CAST: variants seen among roughly 807,000 people sequenced by gnomAD.
CAST encodes MIR583 host.
CAST carries 76 observed loss-of-function variants against 119.6 expected under a neutral mutation model. That is an observed-to-expected ratio of 0.64 (90% CI 0.53 to 0.77). The LOEUF is 0.77. Among genes scored for constraint, CAST ranks in the 30% least tolerant of loss-of-function variants. The pLI is 0.00. For synonymous variants in CAST, 319 were observed against 331.6 expected (o/e 0.96, Z 0.41); for missense variants, 953 against 946.5 (o/e 1.01, Z -0.09).
chr5:96,758,836 A>T (rs1356702455), intron 24 of CAST, among the ~76,000 whole-genome samples: 4 of 152,150 alleles, frequency 2.6e-5, no homozygotes, highest in Admixed American at 6.5e-5. Context: ...TGATTTAGAA[A>T]CCATAAGACA....
the CAST span, among the ~76,000 whole-genome samples, chr5:96,136,132 T>A: frequency 1.3e-5 from 2 of 152,182 alleles, no homozygotes; most frequent in Admixed American, 1.3e-4. Context: ...TCAGTGAGAT[T>A]GTTTGTTCTC....
the CAST span, among the ~76,000 whole-genome samples, chr5:96,112,294 C>T: frequency 1.3e-5 from 2 of 152,234 alleles, no homozygotes; most frequent in East Asian, 3.9e-4. Context: ...AAATTGCAGG[C>T]ATAGTGATCC....
chr5:96,303,080 T>C, the CAST span, among the ~76,000 whole-genome samples: 1 of 152,178 alleles, frequency 6.6e-6, no homozygotes, highest in African/African-American at 2.4e-5. Context: ...CCACAGGCTG[T>C]ACAGGAAGCA....
In CAST at chr5:96,765,219, A is replaced by G; in HGVS notation, c.1933-2A>G. 1.3e-6 allele frequency: 2 copies of G among 1,571,292 alleles called. No individual in the cohort carries two copies. The highest frequency in any genetic ancestry group is 1.7e-6 in the Non-Finnish European group (2 of 1,145,480). ...ACTAATTCAGCATTATTTACTTTTCAGCAGAGTGACAAAGACCTCGATGAT... is the reference window on the plus strand; with the variant it reads ...ACTAATTCAGCATTATTTACTTTTCGGCAGAGTGACAAAGACCTCGATGAT... On this transcript the variant is annotated splice_acceptor_variant, in intron 25 of 31. Coordinates refer to ENST00000675179, the MANE Select transcript of CAST (RefSeq NM_001750.7). LOFTEE classifies it high-confidence loss of function.
the CAST span, among the ~76,000 whole-genome samples, chr5:96,459,013 AC>A: frequency 6.6e-6 from 1 of 152,134 alleles, no homozygotes; most frequent in Non-Finnish European, 1.5e-5. Flanking sequence ...GAAGGTAGAG[AC>A]TAAATGTGTA....
chr5:96,527,842 T>C (rs1745623525), upstream of CAST, among the ~76,000 whole-genome samples: 1 of 152,068 alleles, frequency 6.6e-6, no homozygotes, highest in African/African-American at 2.4e-5. Context: ...AGGGCCCCCA[T>C]GACTAGAACC....
the CAST span, among the ~76,000 whole-genome samples, chr5:96,383,132 A>G: frequency 6.6e-6 from 1 of 152,166 alleles, no homozygotes; most frequent in East Asian, 1.9e-4. Context: ...CACTATGTAG[A>G]CACATATACG....
chr5:96,022,745 G>C, the CAST span, among the ~76,000 whole-genome samples: 1 of 152,176 alleles, frequency 6.6e-6, no homozygotes, highest in Non-Finnish European at 1.5e-5. Context: ...GATTGTGGGG[G>C]CTGATAAGTC....
chr5:96,361,998 G>A, the CAST span, among the ~76,000 whole-genome samples: 6 of 151,636 alleles, frequency 4.0e-5, no homozygotes, highest in East Asian at 3.9e-4. Context: ...CACACCCCAC[G>A]ACAGGCCCCG....
At chr5:96,578,918 AT>A (rs1379600146) in intron 1 of CAST, among the ~76,000 whole-genome samples, 8 of 152,068 alleles carry the variant, frequency 5.3e-5, no homozygotes, top group Middle Eastern at 3.4e-3. Context: ...TAGCAGTTTA[AT>A]TTTCAGAGCT....
At chr5:96,743,780 A>C (rs904278235) in intron 16 of CAST, 1 of 1,329,408 alleles carries the variant, frequency 7.5e-7, no homozygotes, top group African/African-American at 1.5e-5. Context: ...ACTTGATTAC[A>C]ACACAATGTG....
At chr5:96,492,153 T>A in the CAST span, among the ~76,000 whole-genome samples, 1 of 152,254 alleles carries the variant, frequency 6.6e-6, no homozygotes, top group South Asian at 2.1e-4. Flanking sequence ...CATGCTTAAA[T>A]AAAATAATTC....
At chr5:96,360,675 G>C in the CAST span, among the ~76,000 whole-genome samples, 15 of 152,216 alleles carry the variant, frequency 9.9e-5, no homozygotes, top group Non-Finnish European at 1.5e-4. Context: ...GAGAACAGCA[G>C]AGATTGCTGC....
the CAST span, among the ~76,000 whole-genome samples, chr5:96,486,400 C>T: frequency 3.9e-5 from 6 of 152,286 alleles, no homozygotes; most frequent in South Asian, 2.1e-4. Context: ...CCTGAGCACA[C>T]ACTCCAGACA....
chr5:96,188,702 A>C, the CAST span, among the ~76,000 whole-genome samples: 1 of 152,114 alleles, frequency 6.6e-6, no homozygotes, highest in Admixed American at 6.5e-5. Context: ...AATGTTATTA[A>C]ATTTTCTATA....
chr5:96,521,640 CTCTT>C (rs1340090858), upstream of CAST, among the ~76,000 whole-genome samples: 3 of 152,232 alleles, frequency 2.0e-5, no homozygotes, highest in African/African-American at 7.2e-5. Flanking sequence ...TTGTCTCTCA[CTCTT>C]TCTCTCTCCT....
chr5:96,430,195 G>A, the CAST span, among the ~76,000 whole-genome samples: 4 of 152,096 alleles, frequency 2.6e-5, no homozygotes, highest in African/African-American at 7.2e-5. Context: ...GTACTTCTCC[G>A]GGTATCTATT....
chr5:96,213,323 C>T, the CAST span: 4 of 152,062 alleles, frequency 2.6e-5, no homozygotes, highest in African/African-American at 7.2e-5. Context: ...TCCTTGTAGA[C>T]AGCAGGTAAT....
chr5:96,067,483 A>G, the CAST span, among the ~76,000 whole-genome samples: 1 of 152,172 alleles, frequency 6.6e-6, no homozygotes, highest in Non-Finnish European at 1.5e-5. Flanking sequence ...AATCATAGAG[A>G]TGGTCTTAAT....
Sources: allele counts gnomAD v4.1 joint callset (sites outside exome capture counted in the v4.1 genomes callset), GRCh38; gene constraint gnomAD v4.1.1; transcripts MANE v1.5; gene names NCBI Gene and HGNC (gene_info 2026-07-23, HGNC 2026-07-21).